MYO1E: variants seen among roughly 807,000 people sequenced by gnomAD.
MYO1E encodes myosin IE.
In MYO1E, 68 loss-of-function variants were observed where a neutral mutation model predicts 151.1. The observed-to-expected ratio is 0.45, with a 90% CI of 0.37 to 0.55. The LOEUF (loss-of-function observed/expected upper bound fraction) is 0.55, where lower values mean the gene tolerates loss of function less well. Among genes scored for constraint, MYO1E ranks in the 20% least tolerant of loss-of-function variants. The pLI, the probability that MYO1E is intolerant of heterozygous loss-of-function variation, is 0.00. For synonymous variants in MYO1E, 601 were observed against 501.7 expected (o/e 1.20, Z -2.64); for missense variants, 1,363 against 1,389.3 (o/e 0.98, Z 0.30).
chr15:59,328,263 G>C (rs1165025841), intron 1 of MYO1E, among the ~76,000 whole-genome samples: 1 of 152,134 alleles, frequency 6.6e-6, no homozygotes, highest in African/African-American at 2.4e-5. Flanking sequence ...CTGGGGAAGT[G>C]ACCTTCTGCT....
chr15:59,286,656 C>G (rs749047997), intron 1 of MYO1E, among the ~76,000 whole-genome samples: 7 of 152,150 alleles, frequency 4.6e-5, no homozygotes, highest in Non-Finnish European at 8.8e-5. Context: ...GGAAACAAGC[C>G]AAGCTCAGGG....
chr15:59,270,166 T>C (rs1290926276), intron 2 of MYO1E, among the ~76,000 whole-genome samples: 1 of 152,170 alleles, frequency 6.6e-6, no homozygotes, highest in African/African-American at 2.4e-5. Context: ...GGAGTATAGA[T>C]TTTAAATGTT....
intron 4 of MYO1E, among the ~76,000 whole-genome samples, chr15:59,252,639 C>T (rs531709355): frequency 1.3e-5 from 2 of 151,968 alleles, no homozygotes; most frequent in East Asian, 1.9e-4. Flanking sequence ...TGCTTGAACC[C>T]AGGAGGCGGA....
At position 59,296,213 on chromosome 15, in the gene MYO1E, C is replaced by T. The variant is rs563823958; in HGVS notation, c.4-23764G>A. Reference sequence around the variant, plus strand: ...GCTCTATGCCAACTTCTAAGTAAGACGAGGAATTACAGTAATCCAGCCCAC... The same window carrying T: ...GCTCTATGCCAACTTCTAAGTAAGATGAGGAATTACAGTAATCCAGCCCAC... On this transcript the variant is annotated intron_variant, in intron 1 of 27. Coordinates refer to ENST00000288235, the MANE Select transcript of MYO1E (RefSeq NM_004998.4). Among the ~76,000 whole-genome samples, 9 of 152,276 alleles carry T rather than the reference C, an allele frequency of 5.9e-5. No individual in the cohort carries two copies. In the South Asian group the frequency reaches 6.2e-4, roughly 11 times the overall value.
At chr15:59,301,684 CAG>C (rs1316160621) in intron 1 of MYO1E, among the ~76,000 whole-genome samples, 2 of 152,204 alleles carry the variant, frequency 1.3e-5, no homozygotes, top group Non-Finnish European at 2.9e-5. Context: ...CATGACCTGG[CAG>C]AGAGAAGAGG....
At position 59,249,501 on chromosome 15, in the gene MYO1E, G is replaced by A. The variant is rs867695236; in HGVS notation, c.332+6783C>T. 4.6e-5 allele frequency among the ~76,000 whole-genome samples: 7 copies of A among 151,596 alleles called. No individual in the cohort carries two copies. The South Asian group carries it at 8.3e-4, about 18-fold the overall frequency. Reference sequence around the variant, plus strand: ...TCAGGTGCCTGTCCATCCTGTCACCGTATCCACTGCGTTGGAAAATATGAG... The same window carrying A: ...TCAGGTGCCTGTCCATCCTGTCACCATATCCACTGCGTTGGAAAATATGAG... On this transcript the variant is annotated intron_variant, in intron 4 of 27. Transcript: ENST00000288235.
At chr15:59,245,460 T>C (rs777304345) in intron 4 of MYO1E, among the ~76,000 whole-genome samples, 16 of 152,248 alleles carry the variant, frequency 1.1e-4, no homozygotes, top group Non-Finnish European at 2.1e-4. Context: ...ATCCCACTGA[T>C]GTACCTTCAA....
chr15:59,372,109 C>T (rs2080949381), intron 1 of MYO1E, among the ~76,000 whole-genome samples: 1 of 150,630 alleles, frequency 6.6e-6, no homozygotes, highest in Admixed American at 6.6e-5. Context: ...CCGCCAGCGG[C>T]TGCGGCGCGA....
intron 17 of MYO1E, among the ~76,000 whole-genome samples, chr15:59,194,286 G>A (rs1446541024): frequency 1.3e-5 from 2 of 152,230 alleles, no homozygotes; most frequent in African/African-American, 4.8e-5. Flanking sequence ...TTCTTCAGAG[G>A]AGAGAACAGA....
intron 1 of MYO1E, among the ~76,000 whole-genome samples, chr15:59,353,177 C>G (rs2080833302): frequency 6.6e-6 from 1 of 151,928 alleles, no homozygotes; most frequent in African/African-American, 2.4e-5. Flanking sequence ...TCTAAAATGT[C>G]TTGTTTATAC....
At chr15:59,180,179 T>C (rs2079649800) in intron 18 of MYO1E, among the ~76,000 whole-genome samples, 4 of 152,202 alleles carry the variant, frequency 2.6e-5, no homozygotes, top group Admixed American at 6.5e-5. Flanking sequence ...AGCTTAAAAA[T>C]GAAAATGCCT....
rs2079967144 is a variant in MYO1E at position 59,223,194 on chromosome 15, G to A, written c.778-3C>T. On this transcript the variant is annotated splice_polypyrimidine_tract_variant and splice_region_variant and intron_variant, in intron 8 of 27. Coordinates refer to ENST00000288235, the MANE Select transcript of MYO1E (RefSeq NM_004998.4). ...ATCCCAATCACATTCATGGCGTGCT[G>A]GAAGAGAAAAGAGAAACTATCCAGA... 1.2e-6 allele frequency: 2 copies of A among 1,614,130 alleles called. No individual in the cohort carries two copies. The highest frequency in any genetic ancestry group is 1.7e-6 in the Non-Finnish European group (2 of 1,180,026).
intron 6 of MYO1E, among the ~76,000 whole-genome samples, chr15:59,228,369 G>A (rs967293152): frequency 6.6e-6 from 1 of 152,012 alleles, no homozygotes; most frequent in East Asian, 1.9e-4. Context: ...TGCAGTCCCA[G>A]CGAGGCAGGA....
At chr15:59,372,441 G>A (rs2080952854) in intron 1 of MYO1E, 57 bp downstream of exon 1, 1 of 1,536,020 alleles carries the variant, frequency 6.5e-7, no homozygotes, top group Non-Finnish European at 8.7e-7. Context: ...CACCACGCCG[G>A]GGTTTCCTGC....
chr15:59,228,397 G>A lies in MYO1E; in HGVS notation c.511-807C>T, dbSNP rs183293933. 2.6e-4 allele frequency among the ~76,000 whole-genome samples: 40 copies of A among 152,158 alleles called. 1 individual carries two copies. In the East Asian group the frequency reaches 7.3e-3, roughly 28 times the overall value. ...AGGCAGGAGAATCGCTTGAACCTGG[G>A]AGGTGGAGGATGCAGTGAGCCGAGA... On this transcript the variant is annotated intron_variant, in intron 6 of 27. Transcript: ENST00000288235.
intron 1 of MYO1E, among the ~76,000 whole-genome samples, chr15:59,274,213 C>G (rs1312390220): frequency 1.3e-5 from 2 of 152,168 alleles, no homozygotes; most frequent in African/African-American, 4.8e-5. Context: ...TCTGGAAGGC[C>G]TGCCACCCAT....
intron 9 of MYO1E, among the ~76,000 whole-genome samples, chr15:59,219,445 CA>C (rs1353127687): frequency 6.6e-6 from 1 of 152,306 alleles, no homozygotes; most frequent in South Asian, 2.1e-4. Context: ...TAAAAAATCA[CA>C]AGCCTCCCAA....
At chr15:59,218,994 T>C (rs1322304845) in intron 9 of MYO1E, among the ~76,000 whole-genome samples, 4 of 152,134 alleles carry the variant, frequency 2.6e-5, no homozygotes, top group African/African-American at 4.8e-5. Context: ...ATGATATATT[T>C]GGGCTGGAGG....
intron 4 of MYO1E, among the ~76,000 whole-genome samples, chr15:59,249,152 G>A (rs4074433): frequency 0.15 from 23,167 of 152,114 alleles, 2,686 homozygotes; most frequent in East Asian, 0.53. Context: ...GGCCAGGCGC[G>A]GTGGCTCACG....
Sources: allele counts gnomAD v4.1 joint callset (sites outside exome capture counted in the v4.1 genomes callset), GRCh38; gene constraint gnomAD v4.1.1; transcripts MANE v1.5; gene names NCBI Gene and HGNC (gene_info 2026-07-23, HGNC 2026-07-21).